Variants in EDN1 observed in about 807,000 individuals in gnomAD.
EDN1 encodes the protein endothelin 1.
Under a neutral mutation model 21.7 loss-of-function variants are expected in EDN1, and 11 were observed. The ratio of observed to expected loss-of-function variants is 0.51; its 90% CI spans 0.32 to 0.84. EDN1 has a LOEUF of 0.84. EDN1 is among the 40% of genes least tolerant of loss of function. The pLI is 0.03. For missense variants in EDN1, 244 were observed against 262.3 expected, an observed-to-expected ratio of 0.93 and a Z score of 0.48; for synonymous variants, 85 against 90.6, an observed-to-expected ratio of 0.94 and a Z score of 0.35.
Position 12,296,535 on chromosome 6 carries a change from A to C in EDN1, c.*468A>C, listed in dbSNP as rs1762829458. The C allele has an allele frequency of 6.3e-6, 1 of 159,412 alleles. No individual in the cohort carries two copies. The highest frequency in any genetic ancestry group is 1.8e-4 in the South Asian group (1 of 5,700). 9.9% of individuals were successfully genotyped at this position (159,412 alleles called of 1,614,324 possible). ...AAACACACTCAAAAGACAAACATGCAAGTAAAGAAAAAAAAAAGAAAGACT... is the reference window on the plus strand; with the variant it reads ...AAACACACTCAAAAGACAAACATGCCAGTAAAGAAAAAAAAAAGAAAGACT... On this transcript the variant is annotated 3_prime_UTR_variant, in exon 5 of 5. Coordinates refer to ENST00000379375, the MANE Select transcript of EDN1 (RefSeq NM_001955.5).
chr6:12,287,742 A>G (rs1762582990), upstream of EDN1, among the ~76,000 whole-genome samples: 1 of 149,642 alleles, frequency 6.7e-6, no homozygotes, highest in African/African-American at 2.5e-5. Flanking sequence ...ACACACACAC[A>G]CACACACACA....
In EDN1 at chr6:12,292,206, G is replaced by A; in HGVS notation, c.65-135G>A. 3 of 1,271,390 alleles carry A rather than the reference G, an allele frequency of 2.4e-6. No individual in the cohort carries two copies. The South Asian group carries it at 3.7e-5, about 16-fold the overall frequency. 78.8% of individuals were successfully genotyped at this position (1,271,390 alleles called of 1,614,324 possible). A position where few individuals can be genotyped will look rare whatever the true frequency, so the allele number is the denominator to read the frequency against. On this transcript the variant is annotated intron_variant, in intron 1 of 4. Transcript: ENST00000379375. ...AAAAAAATAAAGAGCCCTTTTTTCT[G>A]TGTTTCTTGCTGATGGCAGGCTGTG... is the stretch of plus-strand genomic sequence containing the variant.
the EDN1 span, among the ~76,000 whole-genome samples, chr6:12,251,100 G>T: frequency 5.7e-4 from 87 of 152,210 alleles, 2 homozygotes; most frequent in Non-Finnish European, 8.4e-4. Context: ...TGTACCTAGG[G>T]ATACTGATAA....
At position 12,296,106 on chromosome 6, in the gene EDN1, G is replaced by A; in HGVS notation, c.*39G>A. ...CCTGTCTGAAGCCATAGCCTCCACGGAGAGCCCTGTGGCCGACTCTGCACT... is the reference window on the plus strand; with the variant it reads ...CCTGTCTGAAGCCATAGCCTCCACGAAGAGCCCTGTGGCCGACTCTGCACT... On this transcript the variant is annotated 3_prime_UTR_variant, in exon 5 of 5. Coordinates refer to ENST00000379375, the MANE Select transcript of EDN1 (RefSeq NM_001955.5). The A allele has an allele frequency of 6.3e-7, 1 of 1,586,348 alleles. No individual in the cohort carries two copies. The highest frequency in any genetic ancestry group is 8.7e-7 in the Non-Finnish European group (1 of 1,155,168).
At chr6:12,284,703 G>A in the EDN1 span, among the ~76,000 whole-genome samples, 1 of 137,650 alleles carries the variant, frequency 7.3e-6, no homozygotes, top group African/African-American at 2.7e-5. Context: ...AGAAAGGAAA[G>A]GAAGAAAGAA....
At chr6:12,264,646 G>A in the EDN1 span, among the ~76,000 whole-genome samples, 1 of 152,082 alleles carries the variant, frequency 6.6e-6, no homozygotes, top group Non-Finnish European at 1.5e-5. Context: ...AAAACTCAAT[G>A]TTTTAAGAAA....
At chr6:12,291,079 C>T (rs1762668940) in intron 1 of EDN1, among the ~76,000 whole-genome samples, 1 of 152,136 alleles carries the variant, frequency 6.6e-6, no homozygotes, top group South Asian at 2.1e-4. Context: ...CTTATTTAAA[C>T]ACTATTTTAA....
In EDN1 at chr6:12,296,380, A is replaced by G. The variant is rs1474874434; in HGVS notation, c.*313A>G. On this transcript the variant is annotated 3_prime_UTR_variant, in exon 5 of 5. Coordinates refer to ENST00000379375, the MANE Select transcript of EDN1 (RefSeq NM_001955.5). ...CTCCGGAGAGAGAGAGAGGAAGGAG[A>G]TTCCACACAGGGGTGGAGTTTCTGA... 1 of 335,968 alleles carries G rather than the reference A, an allele frequency of 3.0e-6. No individual in the cohort carries two copies. Among genetic ancestry groups the G allele is most frequent in the Non-Finnish European group, 5.8e-6 (1 of 171,968 alleles). 20.8% of individuals were successfully genotyped at this position (335,968 alleles called of 1,614,324 possible).
the EDN1 span, among the ~76,000 whole-genome samples, chr6:12,285,103 A>G: frequency 1.3e-5 from 2 of 152,296 alleles, no homozygotes; most frequent in African/African-American, 2.4e-5. Context: ...TTAACAAACA[A>G]TAATATCCTA....
the EDN1 span, among the ~76,000 whole-genome samples, chr6:12,255,957 T>C: frequency 1.3e-5 from 2 of 152,178 alleles, no homozygotes; most frequent in Non-Finnish European, 2.9e-5. Context: ...TAAAGAGGGA[T>C]CTGCTTCTAG....
At chr6:12,261,214 G>T in the EDN1 span, among the ~76,000 whole-genome samples, 1 of 152,042 alleles carries the variant, frequency 6.6e-6, no homozygotes, top group Non-Finnish European at 1.5e-5. Flanking sequence ...TCTGCTTCAG[G>T]GAAACACCTC....
At chr6:12,288,007 T>G (rs916980105), upstream of EDN1, among the ~76,000 whole-genome samples, 9 of 151,936 alleles carry the variant, frequency 5.9e-5, no homozygotes, top group Admixed American at 4.6e-4. Flanking sequence ...TTGGGCAGTT[T>G]CATTTTGCCC....
chr6:12,245,746 C>A, the EDN1 span, among the ~76,000 whole-genome samples: 4 of 152,158 alleles, frequency 2.6e-5, no homozygotes, highest in Non-Finnish European at 4.4e-5. Context: ...GGCCAAGGAG[C>A]CTGCCAGCCA....
chr6:12,267,553 G>A, the EDN1 span, among the ~76,000 whole-genome samples: 1 of 152,190 alleles, frequency 6.6e-6, no homozygotes, highest in East Asian at 1.9e-4. Flanking sequence ...AGAGAGGTGA[G>A]GAAGCTGCAG....
chr6:12,258,038 C>T, the EDN1 span, among the ~76,000 whole-genome samples: 1 of 152,088 alleles, frequency 6.6e-6, no homozygotes, highest in Non-Finnish European at 1.5e-5. Context: ...ACGATTACTA[C>T]TATTAAAATA....
the EDN1 span, among the ~76,000 whole-genome samples, chr6:12,276,026 G>A: frequency 2.6e-5 from 4 of 152,064 alleles, no homozygotes; most frequent in African/African-American, 9.6e-5. Context: ...GCTGGGCGTG[G>A]TGGTGGGTGC....
chr6:12,274,507 A>T, the EDN1 span, among the ~76,000 whole-genome samples: 1 of 152,204 alleles, frequency 6.6e-6, no homozygotes, highest in East Asian at 1.9e-4. Flanking sequence ...TCTCAGCTCA[A>T]ATTTTTAGAT....
the EDN1 span, among the ~76,000 whole-genome samples, chr6:12,272,718 C>T: frequency 1.4e-3 from 214 of 151,940 alleles, 1 homozygote; most frequent in African/African-American, 4.7e-3. Flanking sequence ...CCACCCGCCT[C>T]GGCCTCCCAA....
At chr6:12,272,369 G>A in the EDN1 span, among the ~76,000 whole-genome samples, 180 of 151,918 alleles carry the variant, frequency 1.2e-3, no homozygotes, top group Admixed American at 2.4e-3. Context: ...AAGAGCTGGA[G>A]TGAGGAAAAA....
Sources: allele counts gnomAD v4.1 joint callset (sites outside exome capture counted in the v4.1 genomes callset), GRCh38; gene constraint gnomAD v4.1.1; transcripts MANE v1.5; gene names NCBI Gene and HGNC (gene_info 2026-07-23, HGNC 2026-07-21).